The following SQLE variants were observed in gnomAD, a reference collection of about 807,000 sequenced individuals.
SQLE encodes the protein squalene epoxidase.
SQLE carries 29 observed loss-of-function variants against 60.7 expected under a neutral mutation model. The observed-to-expected ratio is 0.48, with a 90% confidence interval of 0.36 to 0.65. The LOEUF is 0.65. Among genes scored for constraint, SQLE ranks in the 30% least tolerant of loss-of-function variants. The probability of loss-of-function intolerance (pLI) is 0.00; values close to 1 mark genes in which losing one functional copy is unlikely to be tolerated. For missense variants in SQLE, 605 were observed against 684.1 expected, an observed-to-expected ratio of 0.88 and a Z score of 1.29; for synonymous variants, 237 against 246.8, an observed-to-expected ratio of 0.96 and a Z score of 0.37.
intron 3 of SQLE, 52 bp from the exon 4 acceptor site, chr8:125,007,339 T>G: frequency 1.5e-6 from 2 of 1,343,102 alleles, no homozygotes; most frequent in Middle Eastern, 2.1e-4. Context: ...TATATTTAAT[T>G]TAAATTGCTG....
Position 125,008,991 on chromosome 8 carries a change from T to G in SQLE, c.843T>G (p.Thr281=), listed in dbSNP as rs773885575. 1.9e-6 allele frequency: 3 copies of G among 1,589,376 alleles called. No homozygotes were observed. Among genetic ancestry groups the G allele is most frequent in the Non-Finnish European group, 2.6e-6 (3 of 1,170,866 alleles). ...TATAGGAACTCCATGCTCCACTGAC[T>G]GTTGTTGCAGATGGGCTTTTCTCCA... is the stretch of plus-strand genomic sequence containing the variant. ...GDIKELHAPL[T]VVADGLFSKF... is the part of the protein sequence containing the mutation. The change falls in exon 5 of 11, where the codon ACT becomes ACG. Residue 281 remains threonine, a synonymous_variant. Transcript: ENST00000265896.
At position 124,999,244 on chromosome 8, in the gene SQLE, A is replaced by G. The variant is rs762598518; in HGVS notation, c.-160A>G. ...TTTACACTAACTTTATATGATTTTT[A>G]AAAACTGGTCTGATCGGACTTCTCG... On this transcript the variant is annotated 5_prime_UTR_variant, in exon 1 of 11. Coordinates refer to ENST00000265896, the MANE Select transcript of SQLE (RefSeq NM_003129.4). 5.6e-5 allele frequency: 33 copies of G among 593,254 alleles called. No homozygotes were observed. The highest frequency in any genetic ancestry group is 9.7e-4 in the Middle Eastern group (2 of 2,056). The allele number at this position is 593,254 out of a possible 1,614,324, so 36.7% of individuals were successfully genotyped here.
At chr8:125,001,047 A>G (rs531328960) in intron 1 of SQLE, among the ~76,000 whole-genome samples, 31 of 152,308 alleles carry the variant, frequency 2.0e-4, no homozygotes, top group African/African-American at 7.0e-4. Flanking sequence ...TAGGGGTAAT[A>G]TACATCTCTT....
chr8:125,017,639 CTT>C (rs1178501384), intron 7 of SQLE, among the ~76,000 whole-genome samples: 28 of 152,170 alleles, frequency 1.8e-4, no homozygotes, highest in Admixed American at 1.3e-3. Flanking sequence ...CCCAGGCTGA[CTT>C]TTGGTTCTTA....
intron 7 of SQLE, among the ~76,000 whole-genome samples, chr8:125,013,210 ATTC>A (rs998410170): frequency 6.6e-6 from 1 of 152,022 alleles, no homozygotes; most frequent in African/African-American, 2.4e-5. Flanking sequence ...TTTTCTTTCC[ATTC>A]TTCTTAATGG....
intron 1 of SQLE, 132 bp downstream of exon 1, chr8:124,999,826 A>G (rs1814813356): frequency 1.8e-6 from 2 of 1,137,818 alleles, no homozygotes; most frequent in East Asian, 2.6e-5. Flanking sequence ...TGTATTTTTT[A>G]TTTTAAACTC....
intron 4 of SQLE, among the ~76,000 whole-genome samples, chr8:125,007,974 A>T (rs1342100957): frequency 2.6e-5 from 4 of 152,268 alleles, no homozygotes; most frequent in African/African-American, 4.8e-5. Context: ...CTAGCAGGGG[A>T]AAGAAGGCAA....
rs967223293 is a variant in SQLE, at chr8:125,016,065, G to A, written c.1205-1994G>A. Among the ~76,000 whole-genome samples the A allele has an allele frequency of 3.3e-5, 5 of 152,056 alleles. No individual in the cohort carries two copies. Among genetic ancestry groups the A allele is most frequent in the Non-Finnish European group, 5.9e-5 (4 of 68,014 alleles). On this transcript the variant is annotated intron_variant, in intron 7 of 10. Coordinates refer to ENST00000265896, the MANE Select transcript of SQLE (RefSeq NM_003129.4). The surrounding 1 kb of genome is among the most constrained non-coding windows in gnomAD (Gnocchi z 4.1). ...TGGGAGTTTGATTATTAAATGGCTT[G>A]AACTAGTCTTGTTTGGATTAAATCA...
rs188087180 is a variant in SQLE at position 125,003,176 on chromosome 8, C to T, written c.292C>T (p.Arg98Cys). Residue 98 changes from arginine (R) to cysteine (C), a missense_variant and splice_region_variant, in exon 2 of 11, where the codon CGC (arginine) becomes TGC (cysteine). Transcript: ENST00000265896. ...ENKEQLEARR[R>C]RKGTNISETS... ...AGTTTACCTTTTTTTTTTTAAACAG[C>T]GCAGAAAAGGAACCAATATTTCAGA... 366 of 1,594,570 alleles carry T rather than the reference C, an allele frequency of 2.3e-4. 1 individual carries two copies. In the African/African-American group the frequency reaches 3.7e-3, roughly 16 times the overall value.
At chr8:125,008,856 T>C (rs1814997878) in intron 4 of SQLE, 115 bp from the exon 5 acceptor site, 1 of 630,126 alleles carries the variant, frequency 1.6e-6, no homozygotes, top group Admixed American at 3.8e-5. Flanking sequence ...TCAACTACTC[T>C]CTATAATGCT....
intron 9 of SQLE, 50 bp downstream of exon 9, chr8:125,018,777 C>A: frequency 8.2e-7 from 1 of 1,212,534 alleles, no homozygotes; most frequent in Non-Finnish European, 1.2e-6. Context: ...AGATTTTTAG[C>A]GTAGGAAAGG....
At chr8:125,017,801 A>G (rs1450854006) in intron 7 of SQLE, 2 of 452,996 alleles carry the variant, frequency 4.4e-6, no homozygotes, top group Middle Eastern at 6.1e-4. Flanking sequence ...AGGTTTGTAT[A>G]TGAGCTTCAT....
chr8:125,020,683 T>A, intron 9 of SQLE, 101 bp from the exon 10 acceptor site: 2 of 713,712 alleles, frequency 2.8e-6, no homozygotes, highest in Non-Finnish European at 4.8e-6. Context: ...AAAAATTATC[T>A]GCAAGATGTA....
At chr8:125,001,687 A>G (rs1249496459) in intron 1 of SQLE, among the ~76,000 whole-genome samples, 1 of 152,026 alleles carries the variant, frequency 6.6e-6, no homozygotes, top group Non-Finnish European at 1.5e-5. Flanking sequence ...AAAAAAAAAA[A>G]AGAATAGACA....
At chr8:125,013,246 T>A (rs1815064159) in intron 7 of SQLE, among the ~76,000 whole-genome samples, 1 of 152,184 alleles carries the variant, frequency 6.6e-6, no homozygotes. Context: ...TACACATGGT[T>A]TAAATTTTCA....
chr8:125,003,066 A>G, intron 1 of SQLE, 110 bp from the exon 2 acceptor site: 1 of 922,274 alleles, frequency 1.1e-6, no homozygotes, highest in Non-Finnish European at 1.5e-6. Flanking sequence ...GATAATATTT[A>G]GTATCTAGCT....
rs958432907 is a variant in SQLE at position 125,018,762 on chromosome 8, A to G, written c.1444+35A>G. ...GACACTTTTTAGTGAATATTACTCA[A>G]TTGCAGATTTTTAGCGTAGGAAAGG... On this transcript the variant is annotated intron_variant, in intron 9 of 10. Coordinates refer to ENST00000265896, the MANE Select transcript of SQLE (RefSeq NM_003129.4). 4.4e-6 allele frequency: 6 copies of G among 1,354,828 alleles called. No homozygotes were observed. In the African/African-American group the frequency reaches 6.0e-5, roughly 13 times the overall value. The allele number at this position is 1,354,828 out of a possible 1,614,324, so 83.9% of individuals were successfully genotyped here. A position where few individuals can be genotyped will look rare whatever the true frequency, so the allele number is the denominator to read the frequency against.
intron 1 of SQLE, 64 bp downstream of exon 1, chr8:124,999,758 A>G (rs1391255743): frequency 5.3e-6 from 8 of 1,495,472 alleles, no homozygotes; most frequent in Middle Eastern, 1.8e-4. Context: ...GTTCACTCAA[A>G]TATAAGTTTT....
intron 7 of SQLE, among the ~76,000 whole-genome samples, chr8:125,013,356 C>CTTTTTTTTTTTT (rs1554588049): frequency 7.3e-6 from 1 of 136,450 alleles, no homozygotes; most frequent in South Asian, 2.3e-4. Context: ...TTTTCTTTTT[C>CTTTTTTTTTTTT]TTTTTTTTTT....
Sources: allele counts gnomAD v4.1 joint callset (sites outside exome capture counted in the v4.1 genomes callset), GRCh38; gene constraint gnomAD v4.1.1; non-coding constraint Gnocchi (gnomAD v3.1); transcripts MANE v1.5; gene names NCBI Gene and HGNC (gene_info 2026-07-23, HGNC 2026-07-21).